UIMC1: variants seen among roughly 807,000 people sequenced by gnomAD.
The protein encoded by UIMC1 is BRCA1-A complex subunit RAP80.
In UIMC1, 42 loss-of-function variants were observed where a neutral mutation model predicts 84.9. The observed-to-expected ratio is 0.49, with a 90% confidence interval of 0.39 to 0.64. The LOEUF (loss-of-function observed/expected upper bound fraction) is 0.64. UIMC1 is among the 30% of genes least tolerant of loss of function. UIMC1 has a pLI of 0.00. For missense variants in UIMC1, 825 were observed against 847.6 expected (o/e 0.97, Z 0.33); for synonymous variants, 281 against 293.0 (o/e 0.96, Z 0.42).
At chr5:176,955,478 T>C (rs977056503) in intron 8 of UIMC1, among the ~76,000 whole-genome samples, 56 of 152,134 alleles carry the variant, frequency 3.7e-4, no homozygotes, top group African/African-American at 1.3e-3. Context: ...ACATCTGTAA[T>C]CCTAGCACTT....
At chr5:177,018,223 C>A (rs1014068032) in intron 1 of UIMC1, among the ~76,000 whole-genome samples, 7 of 151,810 alleles carry the variant, frequency 4.6e-5, no homozygotes, top group African/African-American at 1.7e-4. Flanking sequence ...TGGTGGTGCA[C>A]ACCTGTAGTC....
chr5:176,988,164 A>T lies in UIMC1; in HGVS notation c.-8-5541T>A, dbSNP rs574782820. Among the ~76,000 whole-genome samples the T allele has an allele frequency of 1.5e-4, 22 of 150,890 alleles. 1 individual carries two copies. The South Asian group carries it at 4.0e-3, about 27-fold the overall frequency. On this transcript the variant is annotated intron_variant, in intron 1 of 14. Transcript: ENST00000511320. ...AAAAAAAAAAAAACTCAAATCATTA[A>T]TCATGAGGGAAACGCAAATCAAAAC...
chr5:176,995,108 T>G (rs2149527747), intron 1 of UIMC1, among the ~76,000 whole-genome samples: 1 of 152,238 alleles, frequency 6.6e-6, no homozygotes, highest in East Asian at 1.9e-4. Flanking sequence ...GTTTTTCTCT[T>G]TTTAACTTTG....
intron 2 of UIMC1, among the ~76,000 whole-genome samples, chr5:176,980,829 T>C (rs1458890186): frequency 6.6e-6 from 1 of 152,156 alleles, no homozygotes; most frequent in East Asian, 1.9e-4. Context: ...CTTGAACTCC[T>C]AGGCTCAAGC....
chr5:177,014,844 G>T (rs562313848), intron 1 of UIMC1, among the ~76,000 whole-genome samples: 1 of 152,278 alleles, frequency 6.6e-6, no homozygotes, highest in South Asian at 2.1e-4. Context: ...GGAAGTGGGT[G>T]GAAAAGGAAG....
At chr5:177,003,590 T>C (rs1011357558) in intron 1 of UIMC1, among the ~76,000 whole-genome samples, 1 of 152,070 alleles carries the variant, frequency 6.6e-6, no homozygotes, top group East Asian at 1.9e-4. Flanking sequence ...GAAGCAGAGA[T>C]TGCAGTGAGC....
intron 10 of UIMC1, among the ~76,000 whole-genome samples, chr5:176,932,663 G>A (rs936432681): frequency 1.3e-5 from 2 of 152,062 alleles, no homozygotes; most frequent in African/African-American, 2.4e-5. Flanking sequence ...TATTTCACTC[G>A]TTGGTTTCAT....
At chr5:176,987,381 C>G (rs1772183338) in intron 1 of UIMC1, among the ~76,000 whole-genome samples, 1 of 152,052 alleles carries the variant, frequency 6.6e-6, no homozygotes, top group African/African-American at 2.4e-5. Flanking sequence ...CACAGTGGCT[C>G]ATGTTTATAA....
intron 10 of UIMC1, among the ~76,000 whole-genome samples, chr5:176,923,841 G>A (rs953749822): frequency 5.5e-5 from 8 of 146,686 alleles, no homozygotes; most frequent in Non-Finnish European, 7.5e-5. Context: ...TCCAGCCTGG[G>A]CAACAGAGCA....
chr5:176,988,679 A>ATTT (rs377752493), intron 1 of UIMC1, among the ~76,000 whole-genome samples: 4 of 135,762 alleles, frequency 2.9e-5, no homozygotes, highest in East Asian at 2.1e-4. Context: ...TGTTAGGTGA[A>ATTT]TTTTTTTTTT....
intron 3 of UIMC1, among the ~76,000 whole-genome samples, chr5:176,973,687 T>C (rs1769617010): frequency 6.6e-6 from 1 of 152,064 alleles, no homozygotes; most frequent in East Asian, 1.9e-4. Context: ...GAAGATCACT[T>C]AAGCCCAGCA....
intron 10 of UIMC1, among the ~76,000 whole-genome samples, chr5:176,930,513 G>C (rs1194520181): frequency 6.6e-6 from 1 of 152,166 alleles, no homozygotes; most frequent in Non-Finnish European, 1.5e-5. Context: ...TGTTTCAAAA[G>C]ACTGTTATGA....
chr5:176,967,663 G>A (rs2149481402), intron 6 of UIMC1, among the ~76,000 whole-genome samples: 1 of 152,232 alleles, frequency 6.6e-6, no homozygotes, highest in Admixed American at 6.5e-5. Context: ...AACACTTCAG[G>A]AGAACAAGGT....
chr5:176,910,909 G>C (rs1425033273), intron 11 of UIMC1, among the ~76,000 whole-genome samples: 2 of 152,018 alleles, frequency 1.3e-5, no homozygotes, highest in East Asian at 3.9e-4. Flanking sequence ...GACCAACATG[G>C]AGAAACCCCG....
At chr5:176,982,359 GT>G in intron 2 of UIMC1, 109 bp downstream of exon 2, 1 of 1,288,388 alleles carries the variant, frequency 7.8e-7, no homozygotes. Flanking sequence ...AAATTTCATG[GT>G]TTTGGTGAGC....
chr5:176,989,850 C>T (rs767225729), intron 1 of UIMC1, among the ~76,000 whole-genome samples: 2 of 151,888 alleles, frequency 1.3e-5, no homozygotes, highest in African/African-American at 2.4e-5. Context: ...CTCCAAAATT[C>T]ATATGCTGAC....
intron 1 of UIMC1, among the ~76,000 whole-genome samples, chr5:176,998,075 A>C (rs1314228895): frequency 2.6e-5 from 4 of 152,088 alleles, no homozygotes; most frequent in Non-Finnish European, 5.9e-5. Flanking sequence ...CATTTGCGTG[A>C]TTTTTCATCG....
intron 10 of UIMC1, among the ~76,000 whole-genome samples, chr5:176,927,456 A>G (rs1374181996): frequency 6.6e-6 from 1 of 151,914 alleles, no homozygotes; most frequent in Non-Finnish European, 1.5e-5. Flanking sequence ...GTTTCACCAC[A>G]TTGGCCAGGC....
chr5:177,004,529 AT>A (rs1473724164), intron 1 of UIMC1, among the ~76,000 whole-genome samples: 2 of 152,220 alleles, frequency 1.3e-5, no homozygotes, highest in South Asian at 2.1e-4. Context: ...GCTAAAATGA[AT>A]TACCACTAAC....
Sources: allele counts gnomAD v4.1 joint callset (sites outside exome capture counted in the v4.1 genomes callset), GRCh38; gene constraint gnomAD v4.1.1; transcripts MANE v1.5; gene names NCBI Gene and HGNC (gene_info 2026-07-23, HGNC 2026-07-21).